The following ASCC1 variants were observed in gnomAD, a reference collection of about 807,000 sequenced individuals.
ASCC1 encodes the protein ASC-1 complex subunit P50.
ASCC1 carries 35 observed loss-of-function variants against 46.6 expected under a neutral mutation model. The ratio of observed to expected loss-of-function variants is 0.75; its 90% CI spans 0.57 to 0.99. ASCC1 has a LOEUF of 0.99. ASCC1 is among the 50% of genes least tolerant of loss of function. The probability of loss-of-function intolerance (pLI) is 0.00; values close to 1 mark genes in which losing one functional copy is unlikely to be tolerated. For missense variants in ASCC1, 376 were observed against 428.7 expected, an observed-to-expected ratio of 0.88 and a Z score of 1.09; for synonymous variants, 143 against 146.6, an observed-to-expected ratio of 0.98 and a Z score of 0.18.
intron 8 of ASCC1, among the ~76,000 whole-genome samples, chr10:72,132,221 C>T (rs1377871718): frequency 2.0e-5 from 3 of 152,046 alleles, no homozygotes; most frequent in South Asian, 2.1e-4. Flanking sequence ...GAAATGAAAC[C>T]GGAATACGTG....
rs374721758 is a variant in ASCC1, at chr10:72,181,256, G to A, written c.489+15555C>T. ...TGGGATTACAGGTGTGAGCCACCGC[G>A]CCCGGCCTATTTGCCTCTCATCTTA... is the stretch of plus-strand genomic sequence containing the variant. On this transcript the variant is annotated intron_variant, in intron 5 of 9. Coordinates refer to ENST00000672957, the MANE Select transcript of ASCC1 (RefSeq NM_001198800.3). 1.1e-4 allele frequency among the ~76,000 whole-genome samples: 17 copies of A among 151,960 alleles called. No individual in the cohort carries two copies. In the South Asian group the frequency reaches 1.5e-3, roughly 13 times the overall value.
chr10:72,167,268 G>A (rs764737916), intron 5 of ASCC1, among the ~76,000 whole-genome samples: 9 of 152,078 alleles, frequency 5.9e-5, no homozygotes, highest in African/African-American at 1.4e-4. Flanking sequence ...AACACTATTC[G>A]GAAATCAAAA....
chr10:72,163,331 C>A (rs1849932755), intron 5 of ASCC1, among the ~76,000 whole-genome samples: 1 of 152,152 alleles, frequency 6.6e-6, no homozygotes, highest in South Asian at 2.1e-4. Flanking sequence ...TCCAGAAGCA[C>A]TACTCACAAC....
At chr10:72,158,176 T>C (rs193031808) in intron 6 of ASCC1, among the ~76,000 whole-genome samples, 6 of 152,350 alleles carry the variant, frequency 3.9e-5, no homozygotes, top group Admixed American at 3.3e-4. Context: ...AGAAATCCGA[T>C]GGTTTGCCCG....
Position 72,098,349 on chromosome 10 carries a change from A to T in ASCC1, c.958-899T>A, listed in dbSNP as rs932016053. Reference sequence around the variant, plus strand: ...TGCTCTTTCTTAAAATGTCAGTACAATCCCAAGAAAGCCTTGGTTGTTTTT... The same window carrying T: ...TGCTCTTTCTTAAAATGTCAGTACATTCCCAAGAAAGCCTTGGTTGTTTTT... On this transcript the variant is annotated intron_variant, in intron 9 of 9. Transcript: ENST00000672957. Among the ~76,000 whole-genome samples, 51 of 152,224 alleles carry T rather than the reference A, an allele frequency of 3.4e-4. 1 individual carries two copies. Among genetic ancestry groups the T allele is most frequent in the Admixed American group, 5.9e-4 (9 of 15,284 alleles).
chr10:72,187,202 A>C (rs184411730), intron 5 of ASCC1, among the ~76,000 whole-genome samples: 31 of 152,316 alleles, frequency 2.0e-4, no homozygotes, highest in Admixed American at 2.0e-3. Context: ...TGTTAAGGAG[A>C]AAAATGATTT....
intron 4 of ASCC1, among the ~76,000 whole-genome samples, chr10:72,200,960 A>C (rs544182081): frequency 3.3e-5 from 5 of 152,258 alleles, no homozygotes; most frequent in African/African-American, 1.2e-4. Flanking sequence ...AGAAAAAAAA[A>C]TTCAGTTCCT....
chr10:72,187,404 C>T (rs1165740776), intron 5 of ASCC1, among the ~76,000 whole-genome samples: 1 of 150,082 alleles, frequency 6.7e-6, no homozygotes, highest in Non-Finnish European at 1.5e-5. Context: ...GAGATCGAGA[C>T]CATGACGGCT....
At chr10:72,216,966 G>C, upstream of ASCC1, 1 of 456,078 alleles carries the variant, frequency 2.2e-6, no homozygotes, top group Non-Finnish European at 4.4e-6. Context: ...AATCCATAAT[G>C]ATCCAATACT....
At chr10:72,127,875 C>A (rs1470895317) in intron 9 of ASCC1, among the ~76,000 whole-genome samples, 3 of 151,728 alleles carry the variant, frequency 2.0e-5, no homozygotes, top group African/African-American at 7.3e-5. Context: ...AATAAACAAA[C>A]AAACCACCAA....
At chr10:72,188,434 C>T (rs982662072) in intron 5 of ASCC1, among the ~76,000 whole-genome samples, 25 of 151,870 alleles carry the variant, frequency 1.6e-4, no homozygotes, top group African/African-American at 5.8e-4. Context: ...TCTAATACTT[C>T]TAACACTGCA....
chr10:72,123,330 C>T (rs1309158997), intron 9 of ASCC1, among the ~76,000 whole-genome samples: 1 of 146,414 alleles, frequency 6.8e-6, no homozygotes, highest in Admixed American at 6.8e-5. Flanking sequence ...CAGAGCAAGA[C>T]TCCGTCTCAA....
At chr10:72,202,240 G>A (rs935754402) in intron 4 of ASCC1, among the ~76,000 whole-genome samples, 19 of 152,166 alleles carry the variant, frequency 1.2e-4, no homozygotes, top group African/African-American at 4.6e-4. Flanking sequence ...GCCAAGGTGG[G>A]TGGATCACTT....
chr10:72,130,293 A>G (rs1168736769), intron 8 of ASCC1, among the ~76,000 whole-genome samples: 1 of 152,160 alleles, frequency 6.6e-6, no homozygotes, highest in Admixed American at 6.6e-5. Context: ...AAAATGTTCT[A>G]GAACTGATTG....
intron 4 of ASCC1, among the ~76,000 whole-genome samples, chr10:72,200,261 G>A (rs187789158): frequency 8.5e-5 from 13 of 152,206 alleles, no homozygotes; most frequent in South Asian, 2.1e-4. Flanking sequence ...TAGCAATTAT[G>A]TTTGGGGTTC....
At chr10:72,111,080 T>C (rs1382537066) in intron 9 of ASCC1, among the ~76,000 whole-genome samples, 2 of 152,206 alleles carry the variant, frequency 1.3e-5, no homozygotes, top group African/African-American at 4.8e-5. Context: ...CAGATGGCCC[T>C]CCTTCCCCTC....
At chr10:72,130,076 T>A (rs192533294) in intron 8 of ASCC1, among the ~76,000 whole-genome samples, 2 of 151,282 alleles carry the variant, frequency 1.3e-5, no homozygotes, top group African/African-American at 4.9e-5. Flanking sequence ...GAAAATATTA[T>A]GCTAAGTGAA....
intron 5 of ASCC1, chr10:72,181,088 C>G (rs891430100): frequency 1.3e-5 from 2 of 152,450 alleles, no homozygotes; most frequent in African/African-American, 2.4e-5. Flanking sequence ...GCCTCAGCTT[C>G]CCGAGTAGCT....
intron 5 of ASCC1, among the ~76,000 whole-genome samples, chr10:72,194,447 G>C (rs1589568908): frequency 6.6e-6 from 1 of 151,526 alleles, no homozygotes; most frequent in Middle Eastern, 3.5e-3. Context: ...CTCTAGTTTG[G>C]AGCATAAAGT....
Sources: allele counts gnomAD v4.1 joint callset (sites outside exome capture counted in the v4.1 genomes callset), GRCh38; gene constraint gnomAD v4.1.1; transcripts MANE v1.5; gene names NCBI Gene and HGNC (gene_info 2026-07-23, HGNC 2026-07-21).